The following C13orf42 variants were observed in gnomAD, a reference collection of about 807,000 sequenced individuals.
C13orf42 encodes the protein chromosome 13 open reading frame 42.
chr13:51,153,665 G>C (rs529461999), intron 1 of C13orf42, among the ~76,000 whole-genome samples: 12 of 110,562 alleles, frequency 1.1e-4, no homozygotes, highest in African/African-American at 3.8e-4. Flanking sequence ...TTGGAGACAG[G>C]ATCTCGCTTT....
intron 1 of C13orf42, among the ~76,000 whole-genome samples, chr13:51,092,924 C>CT (rs568355376): frequency 6.6e-6 from 1 of 151,968 alleles, no homozygotes; most frequent in African/African-American, 2.4e-5. Flanking sequence ...CAACCTCTCA[C>CT]TTTTTTTTCT....
At chr13:51,171,544 G>T (rs919981175) in intron 1 of C13orf42, among the ~76,000 whole-genome samples, 1 of 151,872 alleles carries the variant, frequency 6.6e-6, no homozygotes, top group African/African-American at 2.4e-5. Flanking sequence ...TCCTCCCCAG[G>T]CTGCTCCTGG....
At chr13:51,103,759 C>T (rs912677896) in intron 1 of C13orf42, among the ~76,000 whole-genome samples, 2 of 152,126 alleles carry the variant, frequency 1.3e-5, no homozygotes, top group African/African-American at 2.4e-5. Flanking sequence ...GCCTTGAAGA[C>T]GTTGTGCTAA....
intron 1 of C13orf42, among the ~76,000 whole-genome samples, chr13:51,091,805 G>A (rs1417154400): frequency 6.6e-6 from 1 of 152,166 alleles, no homozygotes; most frequent in African/African-American, 2.4e-5. Flanking sequence ...TACTCCCTGG[G>A]TTTGCAAGAG....
chr13:51,152,930 C>T (rs938876439), intron 1 of C13orf42, among the ~76,000 whole-genome samples: 8 of 152,094 alleles, frequency 5.3e-5, no homozygotes, highest in African/African-American at 1.4e-4. Flanking sequence ...GTCATGTTCG[C>T]GGGCACCCTG....
At chr13:51,170,448 C>T (rs892468933) in intron 1 of C13orf42, among the ~76,000 whole-genome samples, 9 of 152,190 alleles carry the variant, frequency 5.9e-5, no homozygotes, top group African/African-American at 2.2e-4. Flanking sequence ...AAACATCTCA[C>T]CAATTTCGAA....
At chr13:51,094,271 A>T (rs1953210282) in intron 1 of C13orf42, among the ~76,000 whole-genome samples, 2 of 152,328 alleles carry the variant, frequency 1.3e-5, no homozygotes, top group South Asian at 4.1e-4. Flanking sequence ...CATGTTACGG[A>T]TTTTATTGCT....
intron 1 of C13orf42, among the ~76,000 whole-genome samples, chr13:51,117,973 A>T (rs1247780709): frequency 6.6e-6 from 1 of 152,190 alleles, no homozygotes; most frequent in Non-Finnish European, 1.5e-5. Flanking sequence ...CCAATAGAAA[A>T]ATGGGAAGGA....
rs138207736 is a variant in C13orf42 at position 51,092,431 on chromosome 13, C to T, written c.415-4356G>A. On this transcript the variant is annotated intron_variant, in intron 1 of 3. Transcript: ENST00000563710. The stretch of plus-strand genomic sequence containing the variant: ...TCCACAATATCTCATCTAAAATTTC[C>T]GGATTTGGTTTATTTAAAGTGATCT... Among the ~76,000 whole-genome samples the T allele has an allele frequency of 4.2e-4, 64 of 151,976 alleles. No homozygotes were observed. In the East Asian group the frequency reaches 5.8e-3, roughly 14 times the overall value.
chr13:51,147,422 G>GGA (rs71085070), intron 1 of C13orf42, among the ~76,000 whole-genome samples: 18,864 of 152,082 alleles, frequency 0.12, 1,282 homozygotes, highest in African/African-American at 0.16. Context: ...AGGGCTCTGT[G>GGA]GACTCATTTT....
chr13:51,097,665 A>G (rs1953249513), intron 1 of C13orf42, among the ~76,000 whole-genome samples: 1 of 152,100 alleles, frequency 6.6e-6, no homozygotes, highest in South Asian at 2.1e-4. Flanking sequence ...TCAGTCATCA[A>G]TACCCCTAGG....
upstream of C13orf42, among the ~76,000 whole-genome samples, chr13:51,111,845 G>A (rs375315662): frequency 1.1e-4 from 17 of 151,470 alleles, no homozygotes; most frequent in Admixed American, 2.6e-4. Context: ...GCTGGGCTCT[G>A]AGCAGGCATC....
upstream of C13orf42, among the ~76,000 whole-genome samples, chr13:51,115,265 T>G (rs1953479524): frequency 6.6e-6 from 1 of 152,206 alleles, no homozygotes; most frequent in Non-Finnish European, 1.5e-5. Flanking sequence ...AATATTCAGC[T>G]AGAAACTGCT....
intron 1 of C13orf42, among the ~76,000 whole-genome samples, chr13:51,133,917 G>C (rs914289651): frequency 3.3e-5 from 5 of 152,146 alleles, no homozygotes; most frequent in South Asian, 2.1e-4. Context: ...GAGGACAGGG[G>C]ACAAAAGCCA....
At chr13:51,169,225 TAA>T (rs1953926256) in intron 1 of C13orf42, among the ~76,000 whole-genome samples, 1 of 152,216 alleles carries the variant, frequency 6.6e-6, no homozygotes, top group Non-Finnish European at 1.5e-5. Flanking sequence ...AGAGACTTGT[TAA>T]ATTGTTGTGC....
intron 1 of C13orf42, among the ~76,000 whole-genome samples, chr13:51,097,006 T>TA (rs1473573653): frequency 5.3e-5 from 8 of 152,130 alleles, no homozygotes; most frequent in Admixed American, 1.3e-4. Context: ...TACTGCTTTT[T>TA]AAAAAAACAA....
intron 1 of C13orf42, among the ~76,000 whole-genome samples, chr13:51,092,744 G>A (rs1216333299): frequency 6.6e-6 from 1 of 151,946 alleles, no homozygotes; most frequent in Non-Finnish European, 1.5e-5. Context: ...ATTTTAATAA[G>A]CAAGTCATTC....
Position 51,138,951 on chromosome 13 carries a change from T to C in C13orf42, n.137-25729A>G, listed in dbSNP as rs59933974. On this transcript the variant is annotated intron_variant and non_coding_transcript_variant, in intron 1 of 4. Coordinates refer to the C13orf42 transcript ENST00000433280. ...CAATGTGGATGAACCTGAAAAACAT[T>C]ATGCTAAGAGAAATAAGGCAGTCAC... is the stretch of plus-strand genomic sequence containing the variant. 2.4e-3 allele frequency among the ~76,000 whole-genome samples: 359 copies of C among 152,284 alleles called. 11 individuals are homozygous for C. In the East Asian group the frequency reaches 0.059, roughly 25 times the overall value.
At chr13:51,131,665 T>C (rs981057021) in intron 1 of C13orf42, among the ~76,000 whole-genome samples, 1 of 152,202 alleles carries the variant, frequency 6.6e-6, no homozygotes, top group Non-Finnish European at 1.5e-5. Context: ...CAGAGTTCCA[T>C]CAAAGCCAAT....
Sources: allele counts gnomAD v4.1 joint callset (sites outside exome capture counted in the v4.1 genomes callset), GRCh38; gene constraint gnomAD v4.1.1; transcripts MANE v1.5; gene names NCBI Gene and HGNC (gene_info 2026-07-23, HGNC 2026-07-21).